DIPK1C: variants seen among roughly 807,000 people sequenced by gnomAD.
DIPK1C encodes familial non-conventional Alzheimer's dementia.
In DIPK1C, 33 loss-of-function variants were observed where a neutral mutation model predicts 28.0. The observed-to-expected ratio is 1.18, with a 90% CI of 0.89 to 1.58. The LOEUF is 1.58. Among genes scored for constraint, DIPK1C ranks in the 40% most tolerant of loss-of-function variants. The pLI, the probability that DIPK1C is intolerant of heterozygous loss-of-function variation, is 0.00. For synonymous variants in DIPK1C, 255 were observed against 248.8 expected (o/e 1.02, Z -0.23); for missense variants, 569 against 568.5 (o/e 1.00, Z -0.01).
At chr18:74,445,811 T>C (rs1216324648) in intron 2 of DIPK1C, among the ~76,000 whole-genome samples, 1 of 152,196 alleles carries the variant, frequency 6.6e-6, no homozygotes, top group Admixed American at 6.5e-5. Context: ...CCTGCCAGTC[T>C]TATTACTACT....
the DIPK1C span, among the ~76,000 whole-genome samples, chr18:74,464,104 G>A: frequency 1.7e-3 from 256 of 152,256 alleles, 1 homozygote; most frequent in Admixed American, 0.015. Context: ...TCAGCTCTCC[G>A]GATGCTGGTG....
At chr18:74,454,184 T>G (rs1986455772) in intron 1 of DIPK1C, among the ~76,000 whole-genome samples, 1 of 123,174 alleles carries the variant, frequency 8.1e-6, no homozygotes, top group Non-Finnish European at 2.0e-5. Context: ...CCCTAGAGTC[T>G]GACCAGGAAA....
At chr18:74,441,894 C>T (rs530831226) in intron 3 of DIPK1C, 58 bp downstream of exon 3, 23 of 1,555,076 alleles carry the variant, frequency 1.5e-5, no homozygotes, top group Middle Eastern at 1.8e-4. Context: ...GAAGAGCTAG[C>T]GGGCAGAAAC....
At chr18:74,452,327 G>A (rs1346102988) in intron 1 of DIPK1C, among the ~76,000 whole-genome samples, 1 of 152,132 alleles carries the variant, frequency 6.6e-6, no homozygotes, top group Non-Finnish European at 1.5e-5. Context: ...TGGCTTACCA[G>A]TGTTAAAGTA....
intron 1 of DIPK1C, among the ~76,000 whole-genome samples, chr18:74,452,289 T>C: frequency 6.6e-6 from 1 of 152,182 alleles, no homozygotes; most frequent in East Asian, 1.9e-4. Context: ...CCTACTCTTC[T>C]TATGTAGAGT....
At chr18:74,441,409 T>G (rs925533002) in intron 3 of DIPK1C, among the ~76,000 whole-genome samples, 28 of 152,264 alleles carry the variant, frequency 1.8e-4, no homozygotes, top group African/African-American at 6.3e-4. Flanking sequence ...CAACCCCAGA[T>G]GGGGGACCTG....
intron 3 of DIPK1C, among the ~76,000 whole-genome samples, chr18:74,440,525 A>G (rs907977493): frequency 4.6e-5 from 7 of 152,344 alleles, no homozygotes; most frequent in Admixed American, 1.3e-4. Context: ...GGTAAGTGAA[A>G]TTTACTATCA....
chr18:74,446,202 C>T (rs1218945734), intron 2 of DIPK1C, among the ~76,000 whole-genome samples: 2 of 152,248 alleles, frequency 1.3e-5, no homozygotes, highest in African/African-American at 4.8e-5. Context: ...AGCCTCTCCA[C>T]ACCGGAGGCC....
chr18:74,437,081 G>C (rs1986014913), intron 3 of DIPK1C, among the ~76,000 whole-genome samples: 2 of 152,194 alleles, frequency 1.3e-5, no homozygotes, highest in Admixed American at 1.3e-4. Context: ...TGCTGCAGAA[G>C]GAGTTGGTCC....
chr18:74,457,754 G>T, upstream of DIPK1C: 1 of 68,094 alleles, frequency 1.5e-5, no homozygotes, highest in Non-Finnish European at 2.7e-5. Flanking sequence ...CACTAGAACC[G>T]CCCCCCTCTG....
At chr18:74,459,081 C>A (rs1986579460), upstream of DIPK1C, among the ~76,000 whole-genome samples, 1 of 152,220 alleles carries the variant, frequency 6.6e-6, no homozygotes, top group Non-Finnish European at 1.5e-5. Context: ...CTAGCCCGGA[C>A]AACAGAACGA....
intron 2 of DIPK1C, among the ~76,000 whole-genome samples, chr18:74,444,974 C>T (rs17089298): frequency 0.026 from 4,005 of 152,292 alleles, 197 homozygotes; most frequent in African/African-American, 0.09. Flanking sequence ...CATCTGATGT[C>T]GCCCACTCGG....
chr18:74,441,123 G>A (rs1052538900), intron 3 of DIPK1C, among the ~76,000 whole-genome samples: 1 of 152,166 alleles, frequency 6.6e-6, no homozygotes, highest in African/African-American at 2.4e-5. Flanking sequence ...CCTGCGTTTT[G>A]GGTCTGCAGT....
At position 74,438,866 on chromosome 18, in the gene DIPK1C, G is replaced by T. The variant is rs150844725; in HGVS notation, c.1042-2147C>A. ...GGAGTTGTCCCTTAGTGAGGCATAG[G>T]GGGGCTTGGTGTTGGGCCCACCCTC... On this transcript the variant is annotated intron_variant, in intron 3 of 3. Coordinates refer to ENST00000343998, the MANE Select transcript of DIPK1C (RefSeq NM_001044369.3). Among the ~76,000 whole-genome samples the T allele has an allele frequency of 4.6e-5, 7 of 152,184 alleles. No homozygotes were observed. The East Asian group carries it at 7.7e-4, about 17-fold the overall frequency.
At chr18:74,439,001 A>G (rs758701673) in intron 3 of DIPK1C, among the ~76,000 whole-genome samples, 1 of 152,200 alleles carries the variant, frequency 6.6e-6, no homozygotes, top group African/African-American at 2.4e-5. Flanking sequence ...TCCACCCTCT[A>G]CATTCCTGGT....
chr18:74,447,398 G>A lies in DIPK1C; in HGVS notation c.199-115C>T. The A allele has an allele frequency of 9.3e-7, 1 of 1,076,998 alleles. No individual in the cohort carries two copies. The highest frequency in any genetic ancestry group is 2.6e-5 in the East Asian group (1 of 37,996). 66.7% of individuals were successfully genotyped at this position (1,076,998 alleles called of 1,614,324 possible). A position where few individuals can be genotyped will look rare whatever the true frequency, so the allele number is the denominator to read the frequency against. On this transcript the variant is annotated intron_variant, in intron 1 of 3. Transcript: ENST00000343998. The surrounding 1 kb of genome is among the most constrained non-coding windows in gnomAD (Gnocchi z 4.1). ...CTGCCCTCAGGACGCTGATAATCCA[G>A]CTGTGCAGAGAAACCTCAGCCCTGT...
At chr18:74,456,277 A>G (rs1480701809) in intron 1 of DIPK1C, among the ~76,000 whole-genome samples, 2 of 152,264 alleles carry the variant, frequency 1.3e-5, no homozygotes, top group East Asian at 1.9e-4. Flanking sequence ...CGTTTCATTC[A>G]TATGATGTGA....
chr18:74,440,070 G>T (rs538513308), intron 3 of DIPK1C, among the ~76,000 whole-genome samples: 3 of 151,192 alleles, frequency 2.0e-5, no homozygotes, highest in African/African-American at 7.3e-5. Flanking sequence ...TCAGCCTCCC[G>T]AGTAGCTGGG....
chr18:74,446,613 T>C lies in DIPK1C; in HGVS notation c.869A>G (p.Asp290Gly). The C allele has an allele frequency of 6.9e-7, 1 of 1,456,584 alleles. No homozygotes were observed. The allele number at this position is 1,456,584 out of a possible 1,614,324, so 90.2% of individuals were successfully genotyped here. The change falls in exon 2 of 4, where the codon GAC becomes GGC. Residue 290 changes from aspartate to glycine, a missense_variant. Asp to Gly is a moderately conservative substitution (Grantham distance 94). Transcript: ENST00000343998. Reference sequence around the variant, plus strand: ...CCGACCTGCGCCACTTACTGTGAAGTCGCTCCGGATGGCAAAGTTTTCCGG... The same window carrying C: ...CCGACCTGCGCCACTTACTGTGAAGCCGCTCCGGATGGCAAAGTTTTCCGG... ...IKPENFAIRSDFTVVAIDVDM... is the reference protein window; with the variant it reads ...IKPENFAIRSGFTVVAIDVDM...
Sources: gnomAD v4.1 joint callset for allele counts (sites outside exome capture counted in the v4.1 genomes callset) on GRCh38, gnomAD v4.1.1 for gene constraint, Gnocchi (gnomAD v3.1) non-coding constraint, MANE v1.5 for transcripts, NCBI Gene and HGNC (gene_info 2026-07-23, HGNC 2026-07-21) for gene names.